DAB1: variants seen among roughly 807,000 people sequenced by gnomAD.
The protein encoded by DAB1 is disabled homolog 1.
In DAB1, 15 loss-of-function variants were observed where a neutral mutation model predicts 64.6. That is an observed-to-expected ratio of 0.23 (90% CI 0.16 to 0.36). The LOEUF (loss-of-function observed/expected upper bound fraction) is 0.36. DAB1 is among the 10% of genes least tolerant of loss of function. DAB1 has a pLI of 1.00. For synonymous variants in DAB1, 235 were observed against 251.9 expected (o/e 0.93, Z 0.64); for missense variants, 596 against 706.7 (o/e 0.84, Z 1.78).
At chr1:57,090,003 G>A (rs967155025) in intron 4 of DAB1, among the ~76,000 whole-genome samples, 1 of 152,192 alleles carries the variant, frequency 6.6e-6, no homozygotes, top group African/African-American at 2.4e-5. Context: ...GGGGCAACAA[G>A]GGGATGTGGC....
intron 1 of DAB1, among the ~76,000 whole-genome samples, chr1:58,532,097 T>C (rs1646443106): frequency 6.6e-6 from 1 of 152,178 alleles, no homozygotes; most frequent in Admixed American, 6.5e-5. Flanking sequence ...AAGAATATAA[T>C]TGCTATTATA....
chr1:57,055,775 T>C (rs547082004), intron 9 of DAB1, among the ~76,000 whole-genome samples: 4 of 150,048 alleles, frequency 2.7e-5, no homozygotes, highest in African/African-American at 7.6e-5. Flanking sequence ...AATTTATTCA[T>C]GCATACATTT....
chr1:58,506,312 G>C, intron 2 of DAB1: 1 of 641,150 alleles, frequency 1.6e-6, no homozygotes, highest in Admixed American at 2.8e-5. Flanking sequence ...TATACTTTAA[G>C]TTTTAGGGTA....
At chr1:57,918,258 T>G (rs1183997530) in intron 5 of DAB1, among the ~76,000 whole-genome samples, 1 of 152,174 alleles carries the variant, frequency 6.6e-6, no homozygotes, top group Admixed American at 6.5e-5. Flanking sequence ...TCTTACTGTC[T>G]TAGTCCATTT....
chr1:57,251,822 CTG>C (rs145884764), intron 2 of DAB1, among the ~76,000 whole-genome samples: 3,476 of 152,250 alleles, frequency 0.023, 130 homozygotes, highest in African/African-American at 0.079. Flanking sequence ...AAATAGAAAA[CTG>C]TGAACTTTCT....
chr1:57,184,714 G>C (rs1191931083), intron 2 of DAB1, among the ~76,000 whole-genome samples: 1 of 152,024 alleles, frequency 6.6e-6, no homozygotes, highest in Non-Finnish European at 1.5e-5. Flanking sequence ...CAAACCCTGT[G>C]CTCCTGGGTG....
At chr1:57,659,292 T>C (rs1303200672) in intron 6 of DAB1, among the ~76,000 whole-genome samples, 1 of 152,212 alleles carries the variant, frequency 6.6e-6, no homozygotes, top group African/African-American at 2.4e-5. Flanking sequence ...ATTATTTCAT[T>C]TGAGAGATCA....
At chr1:58,465,402 G>A (rs766834235) in intron 3 of DAB1, among the ~76,000 whole-genome samples, 3 of 152,158 alleles carry the variant, frequency 2.0e-5, no homozygotes, top group Non-Finnish European at 4.4e-5. Flanking sequence ...ACAGGACATC[G>A]TCCTCACCCC....
At chr1:57,737,475 G>C (rs934144782) in intron 6 of DAB1, among the ~76,000 whole-genome samples, 1 of 152,162 alleles carries the variant, frequency 6.6e-6, no homozygotes, top group Non-Finnish European at 1.5e-5. Context: ...GTTAAATGGT[G>C]GTGGTAAAGG....
At chr1:57,481,288 C>T (rs1644015975) in intron 7 of DAB1, among the ~76,000 whole-genome samples, 1 of 152,140 alleles carries the variant, frequency 6.6e-6, no homozygotes, top group Non-Finnish European at 1.5e-5. Context: ...CTAATCCAAT[C>T]CCTCCCCATT....
intron 3 of DAB1, among the ~76,000 whole-genome samples, chr1:58,343,955 C>T (rs1201508149): frequency 6.6e-6 from 1 of 152,134 alleles, no homozygotes; most frequent in Non-Finnish European, 1.5e-5. Context: ...GTAGTGCAGA[C>T]CTTCAGTACT....
chr1:58,364,741 C>T (rs548448118), intron 3 of DAB1, among the ~76,000 whole-genome samples: 3 of 152,182 alleles, frequency 2.0e-5, no homozygotes, highest in Non-Finnish European at 4.4e-5. Context: ...TTGTAACAAA[C>T]AAGGGGAAAA....
At chr1:57,791,304 T>C (rs1319891064) in intron 6 of DAB1, among the ~76,000 whole-genome samples, 2 of 152,198 alleles carry the variant, frequency 1.3e-5, no homozygotes, top group African/African-American at 4.8e-5. Flanking sequence ...CTCTTTGAGA[T>C]ACATACTATG....
chr1:58,101,389 G>A (rs1030765955), intron 5 of DAB1, among the ~76,000 whole-genome samples: 2 of 152,018 alleles, frequency 1.3e-5, no homozygotes, highest in African/African-American at 4.8e-5. Context: ...GTTGCTAGGG[G>A]GATCAGTAAT....
chr1:57,525,991 G>T (rs1363521356), intron 7 of DAB1, among the ~76,000 whole-genome samples: 1 of 147,966 alleles, frequency 6.8e-6, no homozygotes, highest in Non-Finnish European at 1.5e-5. Flanking sequence ...AGGCTGGAGT[G>T]CAGTGGCACT....
chr1:57,010,864 C>CGTAT, intron 13 of DAB1, 74 bp from the exon 14 acceptor site: 1 of 1,139,010 alleles, frequency 8.8e-7, no homozygotes, highest in Non-Finnish European at 1.2e-6. Flanking sequence ...CCTGGATATA[C>CGTAT]TTTCATGCAG....
At chr1:57,511,135 T>C (rs1644400369) in intron 7 of DAB1, among the ~76,000 whole-genome samples, 1 of 152,168 alleles carries the variant, frequency 6.6e-6, no homozygotes, top group South Asian at 2.1e-4. Flanking sequence ...CTACTTATAC[T>C]CTAGACCCTC....
chr1:57,488,324 C>T lies in DAB1; in HGVS notation n.625+161268G>A, dbSNP rs138734681. Among the ~76,000 whole-genome samples, 1,174 of 151,396 alleles carry T rather than the reference C, an allele frequency of 7.8e-3. 48 individuals carry two copies. In the East Asian group the frequency reaches 0.14, roughly 18 times the overall value. On this transcript the variant is annotated intron_variant and non_coding_transcript_variant, in intron 7 of 20. Transcript: ENST00000485760. ...GGCTGAGGCAGAAGAATGGCATGAA[C>T]CCGGGCGGGGGAGCTTGCAGTGAGC...
chr1:58,343,066 TCA>T (rs1643957728), intron 4 of DAB1, among the ~76,000 whole-genome samples: 2 of 152,140 alleles, frequency 1.3e-5, no homozygotes, highest in Admixed American at 6.6e-5. Context: ...GCTTCATTCA[TCA>T]GTAGTCTCCT....
Sources: gnomAD v4.1 joint callset for allele counts (sites outside exome capture counted in the v4.1 genomes callset) on GRCh38, gnomAD v4.1.1 for gene constraint, MANE v1.5 for transcripts, NCBI Gene and HGNC (gene_info 2026-07-23, HGNC 2026-07-21) for gene names.